Variants in PPP4R3B observed in about 807,000 individuals in gnomAD.
The protein encoded by PPP4R3B is serine/threonine-protein phosphatase 4 regulatory subunit 3B.
PPP4R3B carries 52 observed loss-of-function variants against 95.4 expected under a neutral mutation model. That is an observed-to-expected ratio of 0.54 (90% confidence interval 0.44 to 0.69). The LOEUF is 0.69. PPP4R3B is among the 30% of genes least tolerant of loss of function. The pLI is 0.00. For synonymous variants in PPP4R3B, 407 were observed against 343.9 expected (o/e 1.18, Z -2.03); for missense variants, 1,003 against 1,005.9 (o/e 1.00, Z 0.04).
intron 4 of PPP4R3B, among the ~76,000 whole-genome samples, chr2:55,596,468 T>C (rs562117486): frequency 5.4e-4 from 83 of 152,366 alleles, no homozygotes; most frequent in African/African-American, 1.9e-3. Flanking sequence ...ACAATTACTA[T>C]AGTTTGTAAA....
chr2:55,594,903 G>A (rs1424698129), intron 4 of PPP4R3B, among the ~76,000 whole-genome samples: 1 of 151,906 alleles, frequency 6.6e-6, no homozygotes, highest in Non-Finnish European at 1.5e-5. Context: ...TAAATCCTAT[G>A]CAAAAAATTA....
Position 55,548,105 on chromosome 2 carries a change from C to A in PPP4R3B, c.*1806G>T, listed in dbSNP as rs577730531. 4.6e-5 allele frequency: 7 copies of A among 151,620 alleles called. No homozygotes were observed. Among genetic ancestry groups the A allele is most frequent in the Non-Finnish European group, 1.0e-4 (7 of 67,812 alleles). The allele number at this position is 151,620 out of a possible 1,614,324, so 9.4% of individuals were successfully genotyped here. On this transcript the variant is annotated 3_prime_UTR_variant, in exon 17 of 17. Coordinates refer to ENST00000616407, the MANE Select transcript of PPP4R3B (RefSeq NM_001122964.3). Reference sequence around the variant, plus strand: ...TGAGGTGGAAGGTCTTTCTTTCTTACTATATGTACACCTTTAATTGAAAAG... The same window carrying A: ...TGAGGTGGAAGGTCTTTCTTTCTTAATATATGTACACCTTTAATTGAAAAG...
chr2:55,559,215 G>T (rs1054017002), intron 15 of PPP4R3B, among the ~76,000 whole-genome samples: 6 of 151,986 alleles, frequency 3.9e-5, no homozygotes, highest in Non-Finnish European at 8.8e-5. Context: ...GTGTGGTGGC[G>T]CATGTCTATA....
At chr2:55,579,845 G>T in intron 8 of PPP4R3B, 64 bp from the exon 9 acceptor site, 1 of 1,011,760 alleles carries the variant, frequency 9.9e-7, no homozygotes. Flanking sequence ...TTCAAGATTA[G>T]CAGTACATAC....
intron 12 of PPP4R3B, among the ~76,000 whole-genome samples, chr2:55,572,032 G>A (rs1688070474): frequency 6.6e-6 from 1 of 152,204 alleles, no homozygotes; most frequent in Non-Finnish European, 1.5e-5. Context: ...GAAGGAAAGA[G>A]GAAAGGTATG....
At chr2:55,563,133 G>C (rs1296152985) in intron 15 of PPP4R3B, among the ~76,000 whole-genome samples, 1 of 152,210 alleles carries the variant, frequency 6.6e-6, no homozygotes, top group East Asian at 1.9e-4. Context: ...AGTAAAGGCA[G>C]AAGAATTTGT....
intron 1 of PPP4R3B, 39 bp from the exon 2 acceptor site, chr2:55,615,545 A>T: frequency 7.1e-7 from 1 of 1,406,802 alleles, no homozygotes; most frequent in East Asian, 2.3e-5. Flanking sequence ...GTCTCAAATG[A>T]TAAAACCCTG....
chr2:55,599,735 C>T (rs1168223407), intron 3 of PPP4R3B, among the ~76,000 whole-genome samples: 2 of 152,172 alleles, frequency 1.3e-5, no homozygotes, highest in South Asian at 2.1e-4. Context: ...ATAATCCTAT[C>T]GTCATCCCTT....
intron 4 of PPP4R3B, among the ~76,000 whole-genome samples, chr2:55,594,439 A>C (rs1378185968): frequency 6.6e-6 from 1 of 152,210 alleles, no homozygotes; most frequent in African/African-American, 2.4e-5. Context: ...GAAATGAGTA[A>C]ATCTTTTAGA....
At chr2:55,564,196 G>T in intron 15 of PPP4R3B, 117 bp downstream of exon 15, 1 of 724,442 alleles carries the variant, frequency 1.4e-6, no homozygotes, top group Non-Finnish European at 2.1e-6. Context: ...ACACAGTTTG[G>T]TATAAAATTT....
intron 5 of PPP4R3B, among the ~76,000 whole-genome samples, chr2:55,588,437 T>A (rs560371034): frequency 6.7e-6 from 1 of 148,752 alleles, no homozygotes; most frequent in African/African-American, 2.5e-5. Context: ...CCCTTGAACC[T>A]GGGAGGCAGA....
chr2:55,592,186 C>T (rs1309343424), intron 4 of PPP4R3B, among the ~76,000 whole-genome samples: 1 of 152,134 alleles, frequency 6.6e-6, no homozygotes, highest in Non-Finnish European at 1.5e-5. Flanking sequence ...AGAATTAAAT[C>T]AGATTTTGCA....
chr2:55,591,302 AT>A (rs1231699063), intron 4 of PPP4R3B, among the ~76,000 whole-genome samples: 9 of 145,316 alleles, frequency 6.2e-5, no homozygotes, highest in African/African-American at 1.0e-4. Context: ...ATACCTGGCT[AT>A]TTTTTTTTTA....
chr2:55,587,323 C>T (rs1193281033), intron 5 of PPP4R3B, among the ~76,000 whole-genome samples: 1 of 152,228 alleles, frequency 6.6e-6, no homozygotes, highest in East Asian at 1.9e-4. Flanking sequence ...GTGGCTCACG[C>T]CTGTAATCCC....
Position 55,549,832 on chromosome 2 carries a change from C to G in PPP4R3B, c.*79G>C. ...TATTTTATAAGTTCAATTGAGAAAG[C>G]TTTCTGATTCAGATTTTCAGCTCAC... On this transcript the variant is annotated 3_prime_UTR_variant, in exon 17 of 17. Coordinates refer to ENST00000616407, the MANE Select transcript of PPP4R3B (RefSeq NM_001122964.3). The G allele has an allele frequency of 1.9e-6, 2 of 1,074,890 alleles. No individual in the cohort carries two copies. Among genetic ancestry groups the G allele is most frequent in the Non-Finnish European group, 2.9e-6 (2 of 693,480 alleles). The allele number at this position is 1,074,890 out of a possible 1,614,324, so 66.6% of individuals were successfully genotyped here. A position where few individuals can be genotyped will look rare whatever the true frequency, so the allele number is the denominator to read the frequency against.
chr2:55,615,449 G>A lies in PPP4R3B; in HGVS notation c.198+2C>T, dbSNP rs1488849409. On this transcript the variant is annotated splice_donor_variant, in intron 2 of 16. Coordinates refer to ENST00000616407, the MANE Select transcript of PPP4R3B (RefSeq NM_001122964.3). LOFTEE classifies it low-confidence loss of function (GC_TO_GT_DONOR). ...TCAAATTAAAGATAAACAACTACTT[G>A]CCTGTTGTTTCTGATATGCAGTATT... 6.3e-7 allele frequency: 1 copy of A among 1,584,490 alleles called. No individual in the cohort carries two copies. The highest frequency in any genetic ancestry group is 8.6e-7 in the Non-Finnish European group (1 of 1,161,152).
Position 55,578,285 on chromosome 2 carries a change from G to A in PPP4R3B, c.1526C>T (p.Ser509Phe). 1 of 1,481,216 alleles carries A rather than the reference G, an allele frequency of 6.8e-7. No homozygotes were observed. Among genetic ancestry groups the A allele is most frequent in the Non-Finnish European group, 9.0e-7 (1 of 1,113,676 alleles). The allele number at this position is 1,481,216 out of a possible 1,614,324, so 91.8% of individuals were successfully genotyped here. A position where few individuals can be genotyped will look rare whatever the true frequency, so the allele number is the denominator to read the frequency against. ...GGAAGAGGGGGTAGAATGGGAATGG[G>A]AATGTGAAGGGGTACATATGAAACT... ...SWSFICTPSHSHSHSTPSSSI... is the reference protein window; with the variant it reads ...SWSFICTPSHFHSHSTPSSSI... The change falls in exon 10 of 17, where the codon TCC (serine) becomes TTC (phenylalanine). Residue 509 changes from serine to phenylalanine, a missense_variant. Ser to Phe is a radical substitution (Grantham distance 155). Around this residue, in one of 3 missense-constraint regions of PPP4R3B, gnomAD observed 695 missense variants for 686.2 expected, o/e 1.01. Coordinates refer to ENST00000616407, the MANE Select transcript of PPP4R3B (RefSeq NM_001122964.3).
chr2:55,568,135 A>G, intron 13 of PPP4R3B, 59 bp downstream of exon 13: 1 of 1,168,610 alleles, frequency 8.6e-7, no homozygotes, highest in Non-Finnish European at 1.1e-6. Flanking sequence ...TAATTCTTTT[A>G]CATAAAAAAT....
In PPP4R3B at chr2:55,549,925, G is replaced by A. The variant is rs750842062; in HGVS notation, c.2536C>T (p.Arg846Cys). The A allele has an allele frequency of 4.6e-5, 74 of 1,613,076 alleles. No individual in the cohort carries two copies. Among genetic ancestry groups the A allele is most frequent in the Middle Eastern group, 1.6e-4 (1 of 6,082 alleles). The change falls in exon 17 of 17, where the codon CGT (arginine) becomes TGT (cysteine). Residue 846 changes from arginine (R) to cysteine (C), a missense_variant. Physicochemically the swap from Arg to Cys is radical, Grantham distance 180. Transcript: ENST00000616407. ...EEESSPRKRP[R>C]LGS ...TAATAAATATTTTATGAGCCAAGAC[G>A]AGGTCTTTTCCTGGGGGACGATTCT...
Sources: allele counts gnomAD v4.1 joint callset (sites outside exome capture counted in the v4.1 genomes callset), GRCh38; gene constraint gnomAD v4.1.1; regional missense constraint gnomAD v4.1.1; transcripts MANE v1.5; gene names NCBI Gene and HGNC (gene_info 2026-07-23, HGNC 2026-07-21).